The following BASP1 variants were observed in gnomAD, a reference collection of about 807,000 sequenced individuals.
BASP1 encodes brain abundant membrane attached signal protein 1, also known as brain acid soluble protein 1.
A neutral mutation model predicts 2.2 loss-of-function variants in BASP1; 1 was observed. The ratio of observed to expected loss-of-function variants is 0.46; its 90% CI spans 0.16 to 2.17. BASP1 has a LOEUF of 2.17. BASP1 is among the 30% of genes most tolerant of loss of function. The probability of loss-of-function intolerance (pLI) is 0.27; values close to 1 mark genes in which losing one functional copy is unlikely to be tolerated. For synonymous variants in BASP1, 187 were observed against 154.2 expected (o/e 1.21, Z -1.58); for missense variants, 352 against 327.2 (o/e 1.08, Z -0.58).
rs576347928 is a variant in BASP1, at chr5:17,265,968, C to G, written c.-9-9240C>G. On this transcript the variant is annotated intron_variant, in intron 1 of 1. Coordinates refer to ENST00000322611, the MANE Select transcript of BASP1 (RefSeq NM_006317.5). ...TCACTGCAAGGGGCAGAAGTGTCTT[C>G]TATTAAGGACATAATAAGTCCTGCT... Among the ~76,000 whole-genome samples the G allele has an allele frequency of 2.0e-4, 31 of 152,286 alleles. 1 individual carries two copies. Among genetic ancestry groups the G allele is most frequent in the Admixed American group, 1.8e-3 (27 of 15,288 alleles).
At chr5:17,217,069 A>AGTGTGAGAGAGAGAGAGAGAGAGAGAGT (rs558143088), upstream of BASP1, 1 of 119,876 alleles carries the variant, frequency 8.3e-6, no homozygotes, top group East Asian at 2.4e-4. Flanking sequence ...AGAGAGAGAG[A>AGTGTGAGAGAGAGAGAGAGAGAGAGAGT]GTGAGAGAGA....
chr5:17,242,405 G>T (rs536456090), intron 1 of BASP1, among the ~76,000 whole-genome samples: 1 of 151,422 alleles, frequency 6.6e-6, no homozygotes, highest in African/African-American at 2.4e-5. Context: ...GTCTTGCGCC[G>T]CCCCCCACCC....
At chr5:17,225,756 G>A (rs956102404) in intron 1 of BASP1, among the ~76,000 whole-genome samples, 2 of 152,210 alleles carry the variant, frequency 1.3e-5, no homozygotes, top group African/African-American at 4.8e-5. Flanking sequence ...GGTGGATGGA[G>A]AGCTTTTATG....
chr5:17,222,286 G>T (rs1463188672), intron 1 of BASP1, among the ~76,000 whole-genome samples: 1 of 152,054 alleles, frequency 6.6e-6, no homozygotes, highest in Non-Finnish European at 1.5e-5. Flanking sequence ...TATCAAGATG[G>T]CCACCTTCCT....
chr5:17,250,841 T>C (rs1198180488), intron 1 of BASP1, among the ~76,000 whole-genome samples: 1 of 152,160 alleles, frequency 6.6e-6, no homozygotes, highest in Non-Finnish European at 1.5e-5. Flanking sequence ...ACTGACCTCG[T>C]GATCCGCCCG....
rs541334800 is a variant in BASP1 at position 17,261,287 on chromosome 5, C to T, written c.-9-13921C>T. Among the ~76,000 whole-genome samples the T allele has an allele frequency of 5.3e-5, 8 of 152,264 alleles. No homozygotes were observed. In the South Asian group the frequency reaches 1.2e-3, roughly 24 times the overall value. ...GCCTGTTTGCTTTACTTTTGCATACCGGTTGTTTCACACAATAAGACCTCT... is the reference window on the plus strand; with the variant it reads ...GCCTGTTTGCTTTACTTTTGCATACTGGTTGTTTCACACAATAAGACCTCT... On this transcript the variant is annotated intron_variant, in intron 1 of 1. Transcript: ENST00000322611.
chr5:17,275,561 G>C lies in BASP1; in HGVS notation c.345G>C (p.Ala115=). The C allele has an allele frequency of 1.4e-6, 2 of 1,393,832 alleles. No individual in the cohort carries two copies. Among genetic ancestry groups the C allele is most frequent in the Non-Finnish European group, 9.3e-7 (1 of 1,078,104 alleles). The allele number at this position is 1,393,832 out of a possible 1,614,324, so 86.3% of individuals were successfully genotyped here. ...AGCAGGCGGCCCCCGGCCCCGCTGCGGGCGGCGAGGCCCCCAAAGCTGCTG... is the reference window on the plus strand; with the variant it reads ...AGCAGGCGGCCCCCGGCCCCGCTGCCGGCGGCGAGGCCCCCAAAGCTGCTG... The part of the protein sequence containing the change: ...EQEQAAPGPA[A]GGEAPKAAEA... Residue 115 remains alanine (A), a synonymous_variant, in exon 2 of 2, where the codon GCG becomes GCC. Coordinates refer to ENST00000322611, the MANE Select transcript of BASP1 (RefSeq NM_006317.5). The surrounding 1 kb of genome is among the most constrained non-coding windows in gnomAD (Gnocchi z 5.3).
chr5:17,259,254 C>A (rs1403899987), intron 1 of BASP1, among the ~76,000 whole-genome samples: 1 of 152,184 alleles, frequency 6.6e-6, no homozygotes, highest in African/African-American at 2.4e-5. Context: ...TCTCGTGAGA[C>A]TCATTCACCA....
chr5:17,241,261 G>A (rs1048168771), intron 1 of BASP1, among the ~76,000 whole-genome samples: 15 of 151,892 alleles, frequency 9.9e-5, no homozygotes, highest in African/African-American at 2.9e-4. Flanking sequence ...CACCAGTCCC[G>A]GCTAATTTTT....
chr5:17,246,985 A>G (rs888658311), intron 1 of BASP1, among the ~76,000 whole-genome samples: 2 of 152,142 alleles, frequency 1.3e-5, no homozygotes, highest in African/African-American at 4.8e-5. Context: ...ACAGAAGTTG[A>G]AGACCAGTCT....
chr5:17,275,954 TC>T lies in BASP1; in HGVS notation c.*55del. On this transcript the variant is annotated 3_prime_UTR_variant, in exon 2 of 2. Transcript: ENST00000322611. This position sits in a 1 kb window ranked among gnomAD's most constrained non-coding sequence, Gnocchi z 5.3. Reference sequence around the variant, plus strand: ...CACTTAAAACAATCTCCTCTCTCTCTCTCTCTCTCTCTCTCTATCTCTCTCT... The same window carrying T: ...CACTTAAAACAATCTCCTCTCTCTCTTCTCTCTCTCTCTCTATCTCTCTCT... The T allele has an allele frequency of 7.2e-6, 10 of 1,387,012 alleles. No individual in the cohort carries two copies. In the East Asian group the frequency reaches 2.6e-4, roughly 35 times the overall value. 85.9% of individuals were successfully genotyped at this position (1,387,012 alleles called of 1,614,324 possible). A position where few individuals can be genotyped will look rare whatever the true frequency, so the allele number is the denominator to read the frequency against.
intron 1 of BASP1, among the ~76,000 whole-genome samples, chr5:17,229,784 GTTTTTTT>G (rs60139148): frequency 3.6e-4 from 46 of 128,908 alleles, no homozygotes; most frequent in African/African-American, 1.3e-3. Flanking sequence ...GTAGGATTGG[GTTTTTTT>G]TTTTTTTTTT....
intron 1 of BASP1, among the ~76,000 whole-genome samples, chr5:17,258,104 A>G (rs1579497318): frequency 6.6e-6 from 1 of 152,184 alleles, no homozygotes; most frequent in Non-Finnish European, 1.5e-5. Flanking sequence ...TAGGGAGAGT[A>G]GGTCTGGGTC....
chr5:17,271,938 G>T (rs298599), intron 1 of BASP1, among the ~76,000 whole-genome samples: 2 of 151,580 alleles, frequency 1.3e-5, no homozygotes, highest in African/African-American at 4.9e-5. Context: ...ATGGTGGCAG[G>T]CTCCTGTAAT....
At chr5:17,222,294 C>G (rs1250398616) in intron 1 of BASP1, among the ~76,000 whole-genome samples, 3 of 152,146 alleles carry the variant, frequency 2.0e-5, no homozygotes, top group East Asian at 1.9e-4. Flanking sequence ...TGGCCACCTT[C>G]CTTGAATTCC....
At chr5:17,255,019 G>A (rs961515195) in intron 1 of BASP1, among the ~76,000 whole-genome samples, 1 of 152,164 alleles carries the variant, frequency 6.6e-6, no homozygotes, top group Non-Finnish European at 1.5e-5. Context: ...ACTGACGAAG[G>A]TGTAGCTTTG....
At chr5:17,244,311 T>C (rs1739932933) in intron 1 of BASP1, among the ~76,000 whole-genome samples, 1 of 152,236 alleles carries the variant, frequency 6.6e-6, no homozygotes, top group Non-Finnish European at 1.5e-5. Flanking sequence ...TTGTTTGATT[T>C]GTTTTGTGTA....
In BASP1 at chr5:17,251,897, T is replaced by C. The variant is rs966183335; in HGVS notation, c.-9-23311T>C. 6.6e-6 allele frequency among the ~76,000 whole-genome samples: 1 copy of C among 152,132 alleles called. No individual in the cohort carries two copies. Among genetic ancestry groups the C allele is most frequent in the Non-Finnish European group, 1.5e-5 (1 of 68,012 alleles). On this transcript the variant is annotated intron_variant, in intron 1 of 1. Transcript: ENST00000322611. This position sits in a 1 kb window ranked among gnomAD's most constrained non-coding sequence, Gnocchi z 4.0. Reference sequence around the variant, plus strand: ...CTGTTGGGTCAGTTGTAGACCACTATGTGCATGAGTCTGAAGCTCAAGAAA... The same window carrying C: ...CTGTTGGGTCAGTTGTAGACCACTACGTGCATGAGTCTGAAGCTCAAGAAA...
At chr5:17,226,329 T>A (rs1376082148) in intron 1 of BASP1, among the ~76,000 whole-genome samples, 3 of 152,230 alleles carry the variant, frequency 2.0e-5, no homozygotes, top group African/African-American at 7.2e-5. Flanking sequence ...TTTTCCTGGT[T>A]GAGCTTTCTA....
Sources: allele counts gnomAD v4.1 joint callset (sites outside exome capture counted in the v4.1 genomes callset), GRCh38; gene constraint gnomAD v4.1.1; non-coding constraint Gnocchi (gnomAD v3.1); transcripts MANE v1.5; gene names NCBI Gene and HGNC (gene_info 2026-07-23, HGNC 2026-07-21).